The following CA14 variants were observed in gnomAD, a reference collection of about 807,000 sequenced individuals.
The protein encoded by CA14 is CA-XIV.
A neutral mutation model predicts 48.8 loss-of-function variants in CA14; 44 were observed. The observed-to-expected ratio is 0.90, with a 90% confidence interval of 0.71 to 1.16. CA14 has a LOEUF of 1.16. Among genes scored for constraint, CA14 ranks in the 50% most tolerant of loss-of-function variants. CA14 has a pLI of 0.00. For missense variants in CA14, 386 were observed against 401.0 expected, an observed-to-expected ratio of 0.96 and a Z score of 0.32; for synonymous variants, 154 against 155.0, an observed-to-expected ratio of 0.99 and a Z score of 0.05.
At chr1:150,261,709 A>C in intron 3 of CA14, 71 bp downstream of exon 3, 5 of 1,406,204 alleles carry the variant, frequency 3.6e-6, no homozygotes, top group Non-Finnish European at 3.9e-6. Flanking sequence ...TTTGTAGTTC[A>C]TGGGCATGAT....
chr1:150,264,505 C>A, intron 10 of CA14, 88 bp from the exon 11 acceptor site: 1 of 805,732 alleles, frequency 1.2e-6, no homozygotes. Context: ...GCCCAGCCCT[C>A]TTTTCTGTTA....
intron 2 of CA14, 161 bp downstream of exon 2, chr1:150,260,332 C>T (rs192921914): frequency 2.7e-6 from 2 of 731,686 alleles, no homozygotes; most frequent in Admixed American, 4.0e-5. Context: ...TATATGGCTC[C>T]TAGATCCTGC....
rs1243458947 is a variant in CA14 at position 150,257,932 on chromosome 1, T to C, written c.-197T>C. On this transcript the variant is annotated 5_prime_UTR_variant, in exon 1 of 11. The change abolishes an upstream ATG in the 5' untranslated region. Coordinates refer to ENST00000369111, the MANE Select transcript of CA14 (RefSeq NM_012113.3). ...TTTGTCCTGGGGATCCAGAAACCCA[T>C]GATACCCTACTGAACACCGAATCCC... is the stretch of plus-strand genomic sequence containing the variant. 1 of 410,798 alleles carries C rather than the reference T, an allele frequency of 2.4e-6. No homozygotes were observed. The highest frequency in any genetic ancestry group is 4.5e-6 in the Non-Finnish European group (1 of 224,376). The allele number at this position is 410,798 out of a possible 1,614,324, so 25.4% of individuals were successfully genotyped here. A position where few individuals can be genotyped will look rare whatever the true frequency, so the allele number is the denominator to read the frequency against.
At position 150,263,148 on chromosome 1, in the gene CA14, G is replaced by A; in HGVS notation, c.669G>A (p.Gln223=). 1 of 1,614,146 alleles carries A rather than the reference G, an allele frequency of 6.2e-7. No individual in the cohort carries two copies. The highest frequency in any genetic ancestry group is 8.5e-7 in the Non-Finnish European group (1 of 1,180,014). The change falls in exon 7 of 11, where the codon CAG becomes CAA. Residue 223 remains glutamine (Q), a synonymous_variant. Transcript: ENST00000369111. ...NGSLTTPPCY[Q]SVLWTVFYRR... ...CGCTCACAACTCCCCCTTGCTACCA[G>A]AGTGTGCTCTGGACAGTTTTTTATA...
chr1:150,260,302 C>T (rs1553847532), intron 2 of CA14, 131 bp downstream of exon 2: 2 of 868,946 alleles, frequency 2.3e-6, no homozygotes, highest in East Asian at 2.6e-5. Flanking sequence ...TCTGGATCTC[C>T]TCCTGCCTTG....
chr1:150,260,513 C>T (rs1553847572), intron 2 of CA14: 1 of 406,224 alleles, frequency 2.5e-6, no homozygotes, highest in African/African-American at 2.1e-5. Flanking sequence ...CTACCCCTAA[C>T]CTGCATCTGA....
intron 10 of CA14, 35 bp downstream of exon 10, chr1:150,263,913 T>G: frequency 1.6e-6 from 2 of 1,255,832 alleles, no homozygotes; most frequent in Non-Finnish European, 2.1e-6. Context: ...CAGTCCCTTC[T>G]TCTTTTTTTT....
chr1:150,264,541 A>C, intron 10 of CA14, 52 bp from the exon 11 acceptor site: 2 of 1,032,348 alleles, frequency 1.9e-6, no homozygotes, highest in Non-Finnish European at 1.5e-6. Flanking sequence ...TTTCACCTCT[A>C]ATCTGCTTCA....
chr1:150,260,061 C>T, intron 1 of CA14, 90 bp from the exon 2 acceptor site: 1 of 1,223,902 alleles, frequency 8.2e-7, no homozygotes, highest in Non-Finnish European at 1.2e-6. Flanking sequence ...GGAGGTGGAG[C>T]AGTACAGAAT....
chr1:150,262,924 C>T, intron 6 of CA14, 54 bp downstream of exon 6: 4 of 1,583,412 alleles, frequency 2.5e-6, no homozygotes, highest in Non-Finnish European at 3.5e-6. Flanking sequence ...AAAAACTATC[C>T]TTAAAAGCCT....
chr1:150,260,474 C>T (rs1345662632), intron 2 of CA14: 7 of 488,040 alleles, frequency 1.4e-5, no homozygotes, highest in Admixed American at 6.2e-5. Flanking sequence ...TGCCAGGTCT[C>T]CTTCTGGCTC....
chr1:150,261,126 T>C (rs1650996183), intron 2 of CA14: 2 of 283,100 alleles, frequency 7.1e-6, no homozygotes, highest in Admixed American at 9.6e-5. Context: ...CTCAGGGTAT[T>C]CAGGTTTTCT....
chr1:150,263,642 A>G lies in CA14; in HGVS notation c.842-17A>G, dbSNP rs1651308379. 2 of 1,613,698 alleles carry G rather than the reference A, an allele frequency of 1.2e-6. No homozygotes were observed. Among genetic ancestry groups the G allele is most frequent in the Non-Finnish European group, 1.7e-6 (2 of 1,179,854 alleles). On this transcript the variant is annotated splice_polypyrimidine_tract_variant and intron_variant, in intron 8 of 10. Transcript: ENST00000369111. ...TGGGGATCTGAAGTCCCACTGACCC[A>G]TTTTCTTCTCTTACAGCAGGATCCT...
Position 150,260,371 on chromosome 1 carries a change from T to C in CA14, c.76+200T>C, listed in dbSNP as rs2296228. 1.4e-4 allele frequency: 98 copies of C among 686,438 alleles called. No homozygotes were observed. The East Asian group carries it at 2.3e-3, about 16-fold the overall frequency. 42.5% of individuals were successfully genotyped at this position (686,438 alleles called of 1,614,324 possible). On this transcript the variant is annotated intron_variant, in intron 2 of 10. Coordinates refer to ENST00000369111, the MANE Select transcript of CA14 (RefSeq NM_012113.3). ...AATCATCAAATCCTACACCTCCTGA[T>C]TTGGCAGAAAAGCTAGTTAAGTCCT...
rs781846927 is a variant in CA14, at chr1:150,263,911, TC to T, written c.947+34del. The T allele has an allele frequency of 1.6e-5, 21 of 1,299,568 alleles. No individual in the cohort carries two copies. In the Admixed American group the frequency reaches 4.8e-4, roughly 30 times the overall value. 80.5% of individuals were successfully genotyped at this position (1,299,568 alleles called of 1,614,324 possible). On this transcript the variant is annotated intron_variant, in intron 10 of 10. Transcript: ENST00000369111. Reference sequence around the variant, plus strand: ...CCTACTTTCCATTCCTCCAGTCCCTTCTTCTTTTTTTTTTTTTTTTTGGTAG... The same window carrying T: ...CCTACTTTCCATTCCTCCAGTCCCTTTTCTTTTTTTTTTTTTTTTTGGTAG...
In CA14 at chr1:150,261,638, G is replaced by A. The variant is rs1553847882; in HGVS notation, c.256G>A (p.Val86Met). The A allele has an allele frequency of 5.0e-6, 8 of 1,613,558 alleles. No homozygotes were observed. In the South Asian group the frequency reaches 5.5e-5, roughly 11 times the overall value. The stretch of plus-strand genomic sequence containing the variant: ...GGACCTGCACAACAATGGCCACACA[G>A]GTAAAAGCACAGGCTCCAAGGAGTT... Reference protein sequence around the residue: ...PLDLHNNGHTVQLSLPSTLYL... With the variant: ...PLDLHNNGHTMQLSLPSTLYL... The change falls in exon 3 of 11, where the codon GTG (valine) becomes ATG (methionine). Residue 86 changes from valine to methionine, a missense_variant and splice_region_variant. Physicochemically the swap from Val to Met is conservative, Grantham distance 21. Coordinates refer to ENST00000369111, the MANE Select transcript of CA14 (RefSeq NM_012113.3).
rs773073291 is a variant in CA14, at chr1:150,264,767, A to C, written c.*108A>C. 4.3e-4 allele frequency: 319 copies of C among 740,074 alleles called. 1 individual carries two copies. The highest frequency in any genetic ancestry group is 6.4e-4 in the Non-Finnish European group (288 of 452,636). 45.8% of individuals were successfully genotyped at this position (740,074 alleles called of 1,614,324 possible). A position where few individuals can be genotyped will look rare whatever the true frequency, so the allele number is the denominator to read the frequency against. On this transcript the variant is annotated 3_prime_UTR_variant, in exon 11 of 11. Transcript: ENST00000369111. ...CAGAAACACTGTAGGAGTAGTAAGCAGATGTCCTCCTTCCCCTGGACATCT... is the reference window on the plus strand; with the variant it reads ...CAGAAACACTGTAGGAGTAGTAAGCCGATGTCCTCCTTCCCCTGGACATCT...
intron 4 of CA14, 69 bp from the exon 5 acceptor site, chr1:150,262,456 G>A (rs1651123897): frequency 1.3e-6 from 2 of 1,487,512 alleles, no homozygotes; most frequent in South Asian, 2.3e-5. Context: ...GGGGATGGTG[G>A]CAGCTAGGAT....
Position 150,258,038 on chromosome 1 carries a change from CTCT to C in CA14, c.-90_-88del. ...CCAGGAGCTCGCTCGCTCTCTCTCTCTCTCTCTCACTCCTCCCTCCCTCTCTCT... is the reference window on the plus strand; with the variant it reads ...CCAGGAGCTCGCTCGCTCTCTCTCTCCTCTCACTCCTCCCTCCCTCTCTCT... On this transcript the variant is annotated 5_prime_UTR_variant, in exon 1 of 11. Coordinates refer to ENST00000369111, the MANE Select transcript of CA14 (RefSeq NM_012113.3). 1 of 912,766 alleles carries C rather than the reference CTCT, an allele frequency of 1.1e-6. No homozygotes were observed. Among genetic ancestry groups the C allele is most frequent in the Non-Finnish European group, 1.6e-6 (1 of 608,030 alleles). The allele number at this position is 912,766 out of a possible 1,614,324, so 56.5% of individuals were successfully genotyped here.
Sources: gnomAD v4.1 joint callset for allele counts on GRCh38, gnomAD v4.1.1 for gene constraint, MANE v1.5 for transcripts, NCBI Gene and HGNC (gene_info 2026-07-23, HGNC 2026-07-21) for gene names.